Variants in CRACD observed in about 807,000 individuals in gnomAD.
The protein encoded by CRACD is capping protein inhibiting regulator of actin dynamics.
In CRACD, 56 loss-of-function variants were observed where a neutral mutation model predicts 106.8. The observed-to-expected ratio is 0.52, with a 90% CI of 0.42 to 0.66. The LOEUF (loss-of-function observed/expected upper bound fraction) is 0.66, where lower values mean the gene tolerates loss of function less well. Ranked by LOEUF, CRACD falls within the 30% of genes least tolerant of loss-of-function variation. CRACD has a pLI of 0.00. For missense variants in CRACD, 1,730 were observed against 1,623.2 expected, an observed-to-expected ratio of 1.07 and a Z score of -1.13; for synonymous variants, 754 against 670.8, an observed-to-expected ratio of 1.12 and a Z score of -1.92.
chr4:56,270,052 G>A (rs1222857625), intron 2 of CRACD, among the ~76,000 whole-genome samples: 1 of 152,132 alleles, frequency 6.6e-6, no homozygotes, highest in African/African-American at 2.4e-5. Context: ...CTGACACAAC[G>A]TCGTTTCAGG....
intron 1 of CRACD, among the ~76,000 whole-genome samples, chr4:56,108,915 CATTGAAGCA>C (rs1734032329): frequency 6.6e-6 from 1 of 152,216 alleles, no homozygotes; most frequent in South Asian, 2.1e-4. Flanking sequence ...GGAGCGTGAT[CATTGAAGCA>C]CAGCACCACA....
intron 2 of CRACD, among the ~76,000 whole-genome samples, chr4:56,198,838 G>A (rs982932104): frequency 1.3e-5 from 2 of 152,116 alleles, no homozygotes; most frequent in African/African-American, 4.8e-5. Flanking sequence ...AAGTATTAAC[G>A]TTAGAGGGGG....
intron 1 of CRACD, among the ~76,000 whole-genome samples, chr4:56,050,425 A>G (rs375415242): frequency 3.9e-4 from 60 of 152,228 alleles, no homozygotes; most frequent in Middle Eastern, 3.4e-3. Flanking sequence ...TTTTTGATTC[A>G]TTAAGTTGTG....
At chr4:56,169,814 A>T (rs1323640421) in intron 1 of CRACD, among the ~76,000 whole-genome samples, 1 of 152,072 alleles carries the variant, frequency 6.6e-6, no homozygotes, top group African/African-American at 2.4e-5. Flanking sequence ...GTTAATCTTT[A>T]ACCATTTGTT....
intron 1 of CRACD, among the ~76,000 whole-genome samples, chr4:56,123,170 A>C (rs1266644927): frequency 6.6e-6 from 1 of 152,212 alleles, no homozygotes; most frequent in Non-Finnish European, 1.5e-5. Flanking sequence ...ATTTGCTGAG[A>C]GCTTACTGTG....
chr4:56,139,700 A>G (rs551628277), intron 1 of CRACD, among the ~76,000 whole-genome samples: 1 of 152,314 alleles, frequency 6.6e-6, no homozygotes, highest in South Asian at 2.1e-4. Context: ...AACATCTACC[A>G]TGATGGGAGA....
chr4:56,304,163 G>GC (rs1309565203), intron 4 of CRACD, among the ~76,000 whole-genome samples: 2 of 151,838 alleles, frequency 1.3e-5, no homozygotes, highest in African/African-American at 4.8e-5. Flanking sequence ...CTCTTCCTGG[G>GC]CCCTGCTCCC....
intron 1 of CRACD, among the ~76,000 whole-genome samples, chr4:56,113,282 TG>T (rs1355995043): frequency 1.3e-5 from 2 of 152,232 alleles, no homozygotes; most frequent in African/African-American, 4.8e-5. Context: ...CAGTTATATT[TG>T]TTTGTGGATC....
chr4:56,092,157 A>G (rs1055523775), intron 1 of CRACD, among the ~76,000 whole-genome samples: 3 of 152,194 alleles, frequency 2.0e-5, no homozygotes, highest in African/African-American at 7.2e-5. Context: ...GGAGGGTGAC[A>G]GGTTGGGGTG....
At chr4:56,310,783 T>G (rs772963858) in intron 6 of CRACD, 49 bp downstream of exon 6, 1 of 1,256,966 alleles carries the variant, frequency 8.0e-7, no homozygotes, top group Admixed American at 1.8e-5. Context: ...TACTTAACTT[T>G]CATCTTCCCC....
In CRACD at chr4:56,158,329, C is replaced by T. The variant is rs4865057; in HGVS notation, c.-335-20955C>T. 0.03 allele frequency among the ~76,000 whole-genome samples: 4,590 copies of T among 152,084 alleles called. 498 individuals carry two copies. In the East Asian group the frequency reaches 0.39, roughly 13 times the overall value. ...GTTTATGTTCAGTTTGCTGAAATAG[C>T]GCTTTTGCCTGAAAATCTCTTGACC... On this transcript the variant is annotated intron_variant, in intron 1 of 10. Coordinates refer to ENST00000682029, the MANE Select transcript of CRACD (RefSeq NM_001393381.1).
intron 3 of CRACD, among the ~76,000 whole-genome samples, chr4:56,274,731 T>C (rs1742576614): frequency 6.6e-6 from 1 of 152,218 alleles, no homozygotes. Flanking sequence ...GGATAAGCTT[T>C]GGACTATTAA....
intron 2 of CRACD, among the ~76,000 whole-genome samples, chr4:56,180,489 AAAAT>A (rs199914728): frequency 0.04 from 5,869 of 146,254 alleles, 162 homozygotes; most frequent in East Asian, 0.075. Context: ...ACTCCATCTC[AAAAT>A]AAATAAATAA....
intron 2 of CRACD, among the ~76,000 whole-genome samples, chr4:56,228,607 CA>C (rs35810086): frequency 0.033 from 3,326 of 101,494 alleles, 73 homozygotes; most frequent in African/African-American, 0.1. Flanking sequence ...CCATCTCTAC[CA>C]AAAAAAAAAA....
chr4:56,113,949 T>C (rs1033412388), intron 1 of CRACD, among the ~76,000 whole-genome samples: 5 of 152,144 alleles, frequency 3.3e-5, no homozygotes, highest in African/African-American at 1.2e-4. Flanking sequence ...AAAGGCAGTC[T>C]TCCTTTTTAA....
At chr4:56,325,285 A>G (rs1340690530) in intron 10 of CRACD, among the ~76,000 whole-genome samples, 1 of 152,224 alleles carries the variant, frequency 6.6e-6, no homozygotes, top group Non-Finnish European at 1.5e-5. Flanking sequence ...CAGTGAGCCG[A>G]GATCGTGCCA....
chr4:56,169,463 A>G (rs757753972), intron 1 of CRACD, among the ~76,000 whole-genome samples: 3 of 152,130 alleles, frequency 2.0e-5, no homozygotes, highest in Non-Finnish European at 2.9e-5. Context: ...TGCCAGGCCT[A>G]TCTTTTCATG....
intron 1 of CRACD, among the ~76,000 whole-genome samples, chr4:56,114,956 G>A (rs560276489): frequency 2.6e-4 from 39 of 152,234 alleles, no homozygotes; most frequent in African/African-American, 8.9e-4. Context: ...TGCAGGAAAT[G>A]TATAATAGAG....
intron 2 of CRACD, among the ~76,000 whole-genome samples, chr4:56,223,843 C>T (rs1205811716): frequency 6.6e-6 from 1 of 152,196 alleles, no homozygotes; most frequent in Non-Finnish European, 1.5e-5. Flanking sequence ...ACTGCATCCT[C>T]GAACTTATGG....
Sources: gnomAD v4.1 joint callset for allele counts (sites outside exome capture counted in the v4.1 genomes callset) on GRCh38, gnomAD v4.1.1 for gene constraint, MANE v1.5 for transcripts, NCBI Gene and HGNC (gene_info 2026-07-23, HGNC 2026-07-21) for gene names.